The following DLGAP1 variants were observed in gnomAD, a reference collection of about 807,000 sequenced individuals.
DLGAP1 encodes the protein disks large-associated protein 1.
In DLGAP1, 11 loss-of-function variants were observed where a neutral mutation model predicts 90.8. The observed-to-expected ratio is 0.12, with a 90% confidence interval of 0.08 to 0.20. The LOEUF (loss-of-function observed/expected upper bound fraction) is 0.20. DLGAP1 is among the 10% of genes least tolerant of loss of function. DLGAP1 has a pLI of 1.00. For missense variants in DLGAP1, 1,050 were observed against 1,333.8 expected, an observed-to-expected ratio of 0.79 and a Z score of 3.31; for synonymous variants, 558 against 540.7, an observed-to-expected ratio of 1.03 and a Z score of -0.44.
chr18:4,021,107 C>A (rs1433437709), intron 2 of DLGAP1, among the ~76,000 whole-genome samples: 1 of 152,136 alleles, frequency 6.6e-6, no homozygotes, highest in Non-Finnish European at 1.5e-5. Context: ...TTAAAAACTC[C>A]GATCCCCAAG....
At chr18:3,862,625 G>A (rs527941649) in intron 4 of DLGAP1, among the ~76,000 whole-genome samples, 1 of 152,304 alleles carries the variant, frequency 6.6e-6, no homozygotes, top group African/African-American at 2.4e-5. Context: ...ACAATGGCCA[G>A]CAGGTCATGA....
intron 5 of DLGAP1, among the ~76,000 whole-genome samples, chr18:3,772,698 T>G (rs1231035088): frequency 6.6e-6 from 1 of 151,750 alleles, no homozygotes; most frequent in Non-Finnish European, 1.5e-5. Flanking sequence ...TCTAAGGGTG[T>G]TTTTAAAAAC....
At chr18:4,014,322 A>T (rs754589942) in intron 2 of DLGAP1, among the ~76,000 whole-genome samples, 12 of 152,080 alleles carry the variant, frequency 7.9e-5, no homozygotes, top group Non-Finnish European at 1.8e-4. Context: ...TGACCTTGTG[A>T]TCTGCCCGCC....
intron 1 of DLGAP1, among the ~76,000 whole-genome samples, chr18:4,422,203 G>C (rs1244692467): frequency 6.6e-6 from 1 of 151,300 alleles, no homozygotes; most frequent in Non-Finnish European, 1.5e-5. Context: ...ATAAACAAGT[G>C]TATATATAAA....
intron 9 of DLGAP1, among the ~76,000 whole-genome samples, chr18:3,550,204 G>A (rs1330681737): frequency 1.3e-5 from 2 of 151,992 alleles, no homozygotes; most frequent in African/African-American, 2.4e-5. Context: ...GAGCCACCAC[G>A]CCCGGCCAGA....
chr18:3,644,817 A>G (rs2059062214), intron 7 of DLGAP1, among the ~76,000 whole-genome samples: 1 of 152,208 alleles, frequency 6.6e-6, no homozygotes, highest in South Asian at 2.1e-4. Context: ...ATATCCATAT[A>G]GTAGAATACT....
intron 2 of DLGAP1, among the ~76,000 whole-genome samples, chr18:4,040,367 A>G (rs2074956300): frequency 6.6e-6 from 1 of 152,200 alleles, no homozygotes; most frequent in African/African-American, 2.4e-5. Context: ...AAACAGCTAT[A>G]TTTTATTGTT....
intron 3 of DLGAP1, among the ~76,000 whole-genome samples, chr18:3,987,673 T>G (rs2073870432): frequency 6.6e-6 from 1 of 152,238 alleles, no homozygotes; most frequent in African/African-American, 2.4e-5. Context: ...TATAATTTAT[T>G]CAAAGCTAAC....
intron 3 of DLGAP1, among the ~76,000 whole-genome samples, chr18:3,920,254 A>G (rs747626796): frequency 4.6e-4 from 69 of 151,296 alleles, no homozygotes; most frequent in Admixed American, 1.6e-3. Context: ...GAGGCACGAG[A>G]ATCGCTTGAA....
chr18:3,988,793 C>T (rs1161299472), intron 3 of DLGAP1, among the ~76,000 whole-genome samples: 1 of 152,182 alleles, frequency 6.6e-6, no homozygotes, highest in African/African-American at 2.4e-5. Flanking sequence ...GGACCCCTAG[C>T]TTATAATGTT....
chr18:4,108,033 TCTC>T lies in DLGAP1; in HGVS notation c.-159+43144_-159+43146del, dbSNP rs201482298. Among the ~76,000 whole-genome samples the T allele has an allele frequency of 8.5e-3, 1,299 of 152,278 alleles. 22 individuals are homozygous for T. Among genetic ancestry groups the T allele is most frequent in the African/African-American group, 0.03 (1,250 of 41,556 alleles). On this transcript the variant is annotated intron_variant, in intron 2 of 12. Transcript: ENST00000315677. The stretch of plus-strand genomic sequence containing the variant: ...GTGGAAGCAGGGACATCTCTGACTT[TCTC>T]CTATTCCCTCTCTCCTGAAGCAGAT...
At chr18:4,118,857 T>C (rs1265426696) in intron 2 of DLGAP1, among the ~76,000 whole-genome samples, 2 of 152,214 alleles carry the variant, frequency 1.3e-5, no homozygotes, top group Non-Finnish European at 2.9e-5. Flanking sequence ...GATAATTCTC[T>C]TTAAAAAACT....
chr18:4,380,427 A>C (rs1337910222), intron 1 of DLGAP1, among the ~76,000 whole-genome samples: 1 of 152,156 alleles, frequency 6.6e-6, no homozygotes. Context: ...TGGAGGGTAA[A>C]GACTCATAGA....
At chr18:3,828,464 A>AG (rs1488345286) in intron 4 of DLGAP1, among the ~76,000 whole-genome samples, 3 of 152,014 alleles carry the variant, frequency 2.0e-5, no homozygotes, top group African/African-American at 4.8e-5. Flanking sequence ...ACAGAGCAAG[A>AG]CCTCATTTCA....
rs116301287 is a variant in DLGAP1, at chr18:4,087,836, G to C, written c.-159+63344C>G. 5.1e-3 allele frequency among the ~76,000 whole-genome samples: 770 copies of C among 150,062 alleles called. 3 individuals carry two copies. Among genetic ancestry groups the C allele is most frequent in the African/African-American group, 0.018 (736 of 40,854 alleles). On this transcript the variant is annotated intron_variant, in intron 2 of 12. Transcript: ENST00000315677. ...TTCTTTATTTTAAAATGGGTTTCAT[G>C]TGAACTGTGTAGTTGGGCTTTGCTT...
chr18:3,858,527 TGC>T (rs2069814163), intron 4 of DLGAP1, among the ~76,000 whole-genome samples: 1 of 140,984 alleles, frequency 7.1e-6, no homozygotes, highest in Non-Finnish European at 1.6e-5. Flanking sequence ...TATATATATA[TGC>T]ACACACACAC....
intron 1 of DLGAP1, among the ~76,000 whole-genome samples, chr18:4,431,796 C>T (rs1036081065): frequency 6.6e-6 from 1 of 152,130 alleles, no homozygotes; most frequent in African/African-American, 2.4e-5. Context: ...ACAAAGAGTT[C>T]TCTTATTAGA....
chr18:4,406,016 C>G (rs894277505), intron 1 of DLGAP1, among the ~76,000 whole-genome samples: 1 of 152,162 alleles, frequency 6.6e-6, no homozygotes, highest in African/African-American at 2.4e-5. Context: ...GTATTTAAAC[C>G]GTAGAGGATT....
chr18:4,139,572 A>G (rs1008929089), intron 2 of DLGAP1, among the ~76,000 whole-genome samples: 4 of 151,980 alleles, frequency 2.6e-5, no homozygotes, highest in Non-Finnish European at 4.4e-5. Context: ...TGTGCTGAGG[A>G]GGAGAATGTT....
Sources: gnomAD v4.1 joint callset for allele counts (sites outside exome capture counted in the v4.1 genomes callset) on GRCh38, gnomAD v4.1.1 for gene constraint, MANE v1.5 for transcripts, NCBI Gene and HGNC (gene_info 2026-07-23, HGNC 2026-07-21) for gene names.